Variants in KANSL1L observed in about 807,000 individuals in gnomAD.
KANSL1L encodes KAT8 regulatory NSL complex subunit 1 like.
KANSL1L carries 25 observed loss-of-function variants against 108.6 expected under a neutral mutation model. The observed-to-expected ratio is 0.23, with a 90% CI of 0.17 to 0.32. KANSL1L has a LOEUF of 0.32. Among genes scored for constraint, KANSL1L ranks in the 10% least tolerant of loss-of-function variants. KANSL1L has a pLI of 1.00. For missense variants in KANSL1L, 1,137 were observed against 1,125.7 expected, an observed-to-expected ratio of 1.01 and a Z score of -0.14; for synonymous variants, 405 against 395.1, an observed-to-expected ratio of 1.03 and a Z score of -0.30.
At chr2:210,105,374 AATAT>A (rs888148762) in intron 3 of KANSL1L, among the ~76,000 whole-genome samples, 1 of 145,462 alleles carries the variant, frequency 6.9e-6, no homozygotes, top group African/African-American at 2.6e-5. Context: ...TTTGAAAAAA[AATAT>A]ATATATATAT....
At chr2:210,033,581 G>C (rs1417115182) in intron 8 of KANSL1L, among the ~76,000 whole-genome samples, 1 of 152,132 alleles carries the variant, frequency 6.6e-6, no homozygotes, top group Non-Finnish European at 1.5e-5. Flanking sequence ...CCAGGCTGGA[G>C]TGCAGTGGCG....
chr2:210,113,904 G>T (rs912328575), intron 3 of KANSL1L, among the ~76,000 whole-genome samples: 2 of 152,110 alleles, frequency 1.3e-5, no homozygotes, highest in African/African-American at 4.8e-5. Flanking sequence ...AAAGAAAACA[G>T]ATTAAAGAAA....
At chr2:210,117,911 C>A (rs1204832200) in intron 3 of KANSL1L, among the ~76,000 whole-genome samples, 1 of 152,162 alleles carries the variant, frequency 6.6e-6, no homozygotes, top group Non-Finnish European at 1.5e-5. Context: ...TGCCCGTAAT[C>A]TCAGCACTTT....
chr2:210,075,440 A>G, intron 6 of KANSL1L, 112 bp downstream of exon 6: 4 of 684,542 alleles, frequency 5.8e-6, no homozygotes, highest in Non-Finnish European at 9.9e-6. Flanking sequence ...AGTTTTCTAC[A>G]TGTAATTATT....
chr2:210,129,131 C>A lies in KANSL1L; in HGVS notation c.1130G>T (p.Arg377Leu), dbSNP rs1286320265. The A allele has an allele frequency of 1.9e-6, 3 of 1,613,752 alleles. No individual in the cohort carries two copies. In the African/African-American group the frequency reaches 4.0e-5, roughly 22 times the overall value. Reference protein sequence around the residue: ...TEWKWLVDRARVGSRWTWLQA... With the variant: ...TEWKWLVDRALVGSRWTWLQA... ...AAGCCAAGTCCATCGGCTGCCAACT[C>A]GTGCTCTGTCTACAAGCCACTTCCA... Residue 377 changes from arginine to leucine, a missense_variant, in exon 3 of 15, where the codon CGA becomes CTA. Arg to Leu is a moderately radical substitution (Grantham distance 102). This residue lies in a region of KANSL1L where 556 missense variants were observed against 537.7 expected (regional missense o/e 1.03). Coordinates refer to ENST00000281772, the MANE Select transcript of KANSL1L (RefSeq NM_152519.4).
chr2:210,140,314 T>C (rs531405416), intron 2 of KANSL1L, among the ~76,000 whole-genome samples: 4 of 152,334 alleles, frequency 2.6e-5, no homozygotes, highest in African/African-American at 7.2e-5. Flanking sequence ...AAGTCTTTAA[T>C]CACCTTAAGT....
rs73063948 is a variant in KANSL1L, at chr2:210,087,164, G to C, written c.1550+10922C>G. ...CCACCTCAGCGTCCCAAGCAGCTGA[G>C]ACCACATGCATCAACACATCTGGCT... is the stretch of plus-strand genomic sequence containing the variant. On this transcript the variant is annotated intron_variant, in intron 5 of 14. Transcript: ENST00000281772. 8.5e-3 allele frequency among the ~76,000 whole-genome samples: 1,293 copies of C among 151,984 alleles called. 20 individuals are homozygous for C. Among genetic ancestry groups the C allele is most frequent in the African/African-American group, 0.029 (1,190 of 41,414 alleles).
intron 3 of KANSL1L, among the ~76,000 whole-genome samples, chr2:210,123,350 A>T (rs2095038415): frequency 6.6e-6 from 1 of 152,162 alleles, no homozygotes; most frequent in African/African-American, 2.4e-5. Context: ...ATACAGTGAT[A>T]AAAAAGACTG....
At chr2:210,151,213 G>GT (rs929851532) in intron 2 of KANSL1L, among the ~76,000 whole-genome samples, 4 of 152,124 alleles carry the variant, frequency 2.6e-5, no homozygotes, top group African/African-American at 9.6e-5. Flanking sequence ...TATAGATGAG[G>GT]TTTTGCCATG....
rs1559489983 is a variant in KANSL1L at position 210,022,713 on chromosome 2, T to TAA, written c.*235_*236insTT. On this transcript the variant is annotated 3_prime_UTR_variant, in exon 15 of 15. Coordinates refer to ENST00000281772, the MANE Select transcript of KANSL1L (RefSeq NM_152519.4). The stretch of plus-strand genomic sequence containing the variant: ...TTGCAGCAATTAATATCTTGGTGTT[T>TAA]GTAAGTAAGTTGCATGATAAACACA... The TAA allele has an allele frequency of 2.1e-6, 1 of 477,214 alleles. No homozygotes were observed. Among genetic ancestry groups the TAA allele is most frequent in the African/African-American group, 2.0e-5 (1 of 51,126 alleles). The allele number at this position is 477,214 out of a possible 1,614,324, so 29.6% of individuals were successfully genotyped here.
At chr2:210,099,984 A>G (rs1400194201) in intron 4 of KANSL1L, among the ~76,000 whole-genome samples, 1 of 152,216 alleles carries the variant, frequency 6.6e-6, no homozygotes, top group Non-Finnish European at 1.5e-5. Context: ...ATACACCAGT[A>G]GCAAATTCAT....
intron 6 of KANSL1L, among the ~76,000 whole-genome samples, chr2:210,071,816 C>T (rs2094509823): frequency 6.6e-6 from 1 of 152,144 alleles, no homozygotes; most frequent in Non-Finnish European, 1.5e-5. Context: ...AGACACAATT[C>T]TGCCCACTAC....
intron 4 of KANSL1L, among the ~76,000 whole-genome samples, chr2:210,103,402 T>C (rs975199458): frequency 5.9e-5 from 9 of 152,238 alleles, no homozygotes; most frequent in Admixed American, 3.9e-4. Flanking sequence ...CACACCAACA[T>C]GGCACATGTA....
intron 6 of KANSL1L, among the ~76,000 whole-genome samples, chr2:210,062,501 C>A (rs1193315406): frequency 6.6e-6 from 1 of 152,130 alleles, no homozygotes; most frequent in African/African-American, 2.4e-5. Flanking sequence ...GCTCAGAAAA[C>A]AGAAAAGTGT....
At chr2:210,067,227 A>G (rs1428333946) in intron 6 of KANSL1L, among the ~76,000 whole-genome samples, 1 of 152,150 alleles carries the variant, frequency 6.6e-6, no homozygotes, top group Non-Finnish European at 1.5e-5. Flanking sequence ...GGCAGACAGC[A>G]TATTATGAAA....
At position 210,024,742 on chromosome 2, in the gene KANSL1L, A is replaced by T. The variant is rs115449250; in HGVS notation, c.2564+362T>A. On this transcript the variant is annotated intron_variant, in intron 13 of 14. Transcript: ENST00000281772. The stretch of plus-strand genomic sequence containing the variant: ...TTTTTAAAGAAAAACATATTTTGGA[A>T]GTAGTGATGTTAAAATGGATTACCT... Among the ~76,000 whole-genome samples, 1,416 of 152,204 alleles carry T rather than the reference A, an allele frequency of 9.3e-3. 22 individuals carry two copies. The highest frequency in any genetic ancestry group is 0.029 in the African/African-American group (1,214 of 41,532).
chr2:210,126,359 G>C (rs1419811886), intron 3 of KANSL1L, among the ~76,000 whole-genome samples: 1 of 152,154 alleles, frequency 6.6e-6, no homozygotes, highest in Non-Finnish European at 1.5e-5. Context: ...TGGATTGGAA[G>C]ACTTAATGTT....
intron 2 of KANSL1L, among the ~76,000 whole-genome samples, chr2:210,131,820 C>T (rs1231725093): frequency 1.3e-5 from 2 of 151,762 alleles, no homozygotes; most frequent in African/African-American, 4.8e-5. Flanking sequence ...GTCCCTCAGC[C>T]TCCTGAGTAG....
At chr2:210,029,978 A>G in intron 9 of KANSL1L, 60 bp from the exon 10 acceptor site, 2 of 761,038 alleles carry the variant, frequency 2.6e-6, no homozygotes, top group Non-Finnish European at 4.3e-6. Context: ...CATTAGAATT[A>G]CTTTCCTAAT....
Sources: allele counts gnomAD v4.1 joint callset (sites outside exome capture counted in the v4.1 genomes callset), GRCh38; gene constraint gnomAD v4.1.1; regional missense constraint gnomAD v4.1.1; transcripts MANE v1.5; gene names NCBI Gene and HGNC (gene_info 2026-07-23, HGNC 2026-07-21).